Variants in ANKRD31 observed in about 807,000 individuals in gnomAD.
ANKRD31 encodes ankyrin repeat domain-containing protein 31.
A neutral mutation model predicts 186.0 loss-of-function variants in ANKRD31; 147 were observed. That is an observed-to-expected ratio of 0.79 (90% CI 0.69 to 0.91). ANKRD31 has a LOEUF of 0.91. Ranked by LOEUF, ANKRD31 falls within the 40% of genes least tolerant of loss-of-function variation. The pLI is 0.00. For missense variants in ANKRD31, 1,986 were observed against 2,148.8 expected (o/e 0.92, Z 1.50); for synonymous variants, 673 against 736.4 (o/e 0.91, Z 1.39).
At chr5:75,220,341 C>T (rs1467816796) in intron 3 of ANKRD31, among the ~76,000 whole-genome samples, 1 of 152,082 alleles carries the variant, frequency 6.6e-6, no homozygotes. Context: ...AAAGCAACTC[C>T]ATTAAAAAGT....
At position 75,193,341 on chromosome 5, in the gene ANKRD31, G is replaced by A; in HGVS notation, c.1268C>T (p.Thr423Ile). Reference protein sequence around the residue: ...LPKILGCEDLTNNNSSAQNFR... With the variant: ...LPKILGCEDLINNNSSAQNFR... ...ATTCTGAGCTGAAGAGTTATTATTT[G>A]TTAGGTCCTCACAGCCAAGGATTTT... is the stretch of plus-strand genomic sequence containing the variant. Residue 423 changes from threonine (T) to isoleucine (I), a missense_variant, in exon 8 of 26, where the codon ACA becomes ATA. Transcript: ENST00000506364. 6.5e-7 allele frequency: 1 copy of A among 1,536,720 alleles called. No homozygotes were observed. Among genetic ancestry groups the A allele is most frequent in the Non-Finnish European group, 8.7e-7 (1 of 1,146,636 alleles).
intron 10 of ANKRD31, among the ~76,000 whole-genome samples, chr5:75,171,259 T>G (rs934613990): frequency 3.9e-5 from 6 of 152,042 alleles, no homozygotes; most frequent in African/African-American, 1.4e-4. Context: ...GTCAAAATCA[T>G]GTAAAATGTA....
In ANKRD31 at chr5:75,183,996, T is replaced by G. The variant is rs117072945; in HGVS notation, c.1564+4497A>C. 9.2e-5 allele frequency among the ~76,000 whole-genome samples: 14 copies of G among 152,190 alleles called. No individual in the cohort carries two copies. In the East Asian group the frequency reaches 2.3e-3, roughly 25 times the overall value. ...TTTTTAAAAAACAAAGCTAGAGGCA[T>G]ATTACCTTACTTAGCTCTATTAATG... is the stretch of plus-strand genomic sequence containing the variant. On this transcript the variant is annotated intron_variant, in intron 10 of 25. Transcript: ENST00000506364.
At chr5:75,094,566 C>T (rs1389035212) in intron 22 of ANKRD31, among the ~76,000 whole-genome samples, 2 of 151,710 alleles carry the variant, frequency 1.3e-5, no homozygotes, top group Non-Finnish European at 2.9e-5. Flanking sequence ...AATTAGAATT[C>T]TACATTGGAA....
chr5:75,097,568 G>C (rs1476267616), intron 22 of ANKRD31, among the ~76,000 whole-genome samples: 1 of 152,182 alleles, frequency 6.6e-6, no homozygotes, highest in Non-Finnish European at 1.5e-5. Context: ...CCCTTTGTCA[G>C]ATGGGTAGAT....
intron 17 of ANKRD31, among the ~76,000 whole-genome samples, chr5:75,132,849 G>A (rs907068558): frequency 2.6e-5 from 4 of 152,212 alleles, no homozygotes; most frequent in East Asian, 1.9e-4. Context: ...AGAAGAGAGT[G>A]GGGGCCAATA....
In ANKRD31 at chr5:75,146,176, C is replaced by T. The variant is rs1363909861; in HGVS notation, c.3235G>A (p.Glu1079Lys). The T allele has an allele frequency of 1.3e-6, 2 of 1,535,722 alleles. No individual in the cohort carries two copies. The highest frequency in any genetic ancestry group is 3.9e-5 in the Admixed American group (2 of 50,776). The change falls in exon 14 of 26, where the codon GAG becomes AAG. Residue 1079 changes from glutamate (E) to lysine (K), a missense_variant. Coordinates refer to ENST00000506364, the MANE Select transcript of ANKRD31 (RefSeq NM_001372053.1). ...GAATGAGCAACTATGGATAAAGGCTCATTTGAATAAATTATTTTTTGGTCT... is the reference window on the plus strand; with the variant it reads ...GAATGAGCAACTATGGATAAAGGCTTATTTGAATAAATTATTTTTTGGTCT... ...DRDQKIIYSN[E>K]PLSIVAHSQV...
intron 5 of ANKRD31, among the ~76,000 whole-genome samples, chr5:75,202,525 CA>C (rs1755887779): frequency 6.6e-6 from 1 of 152,150 alleles, no homozygotes; most frequent in African/African-American, 2.4e-5. Flanking sequence ...TCTAAAGCAT[CA>C]AATTCAAAGA....
At chr5:75,089,969 G>A (rs1010082972) in intron 23 of ANKRD31, among the ~76,000 whole-genome samples, 3 of 152,170 alleles carry the variant, frequency 2.0e-5, no homozygotes, top group Non-Finnish European at 4.4e-5. Context: ...AACAGAGTGG[G>A]CAAATGGAGT....
intron 23 of ANKRD31, among the ~76,000 whole-genome samples, chr5:75,088,206 T>G (rs1373689934): frequency 6.6e-6 from 1 of 152,120 alleles, no homozygotes; most frequent in Non-Finnish European, 1.5e-5. Context: ...TTCCTAATCA[T>G]GATGGTGAGA....
At chr5:75,147,986 A>C (rs1375640678) in intron 13 of ANKRD31, among the ~76,000 whole-genome samples, 1 of 151,796 alleles carries the variant, frequency 6.6e-6, no homozygotes, top group African/African-American at 2.4e-5. Flanking sequence ...TAAACTTTAC[A>C]AGAAGCTTTA....
chr5:75,174,276 C>G (rs1753591307), intron 10 of ANKRD31, among the ~76,000 whole-genome samples: 1 of 152,110 alleles, frequency 6.6e-6, no homozygotes. Context: ...CATAAAAACC[C>G]TAGAAGAAAA....
intron 22 of ANKRD31, among the ~76,000 whole-genome samples, chr5:75,098,909 C>A (rs374049049): frequency 6.6e-6 from 1 of 151,864 alleles, no homozygotes; most frequent in Non-Finnish European, 1.5e-5. Context: ...TTTCCTAATT[C>A]AATACCCTTT....
intron 17 of ANKRD31, among the ~76,000 whole-genome samples, chr5:75,121,599 A>T (rs1443574114): frequency 1.3e-5 from 2 of 152,194 alleles, no homozygotes; most frequent in Non-Finnish European, 2.9e-5. Flanking sequence ...AATTGAAATC[A>T]TATCAAGTAT....
chr5:75,079,771 C>T (rs115162897), intron 25 of ANKRD31, among the ~76,000 whole-genome samples: 2,178 of 152,288 alleles, frequency 0.014, 64 homozygotes, highest in African/African-American at 0.049. Context: ...CAACTGCGCC[C>T]GGCCAAGGCC....
chr5:75,204,358 A>G (rs963499134), intron 5 of ANKRD31, among the ~76,000 whole-genome samples: 4 of 152,216 alleles, frequency 2.6e-5, no homozygotes, highest in Non-Finnish European at 4.4e-5. Flanking sequence ...TTCTCTCAAG[A>G]TTATTCCAAC....
rs141690042 is a variant in ANKRD31 at position 75,195,384 on chromosome 5, C to T, written c.1017+247G>A. 4.0e-5 allele frequency among the ~76,000 whole-genome samples: 6 copies of T among 151,880 alleles called. No homozygotes were observed. The East Asian group carries it at 9.7e-4, about 25-fold the overall frequency. On this transcript the variant is annotated intron_variant, in intron 7 of 25. Transcript: ENST00000506364. The stretch of plus-strand genomic sequence containing the variant: ...TTTCTATTTTCATTTCCTAACTCCT[C>T]GAAAACTCTATCCTAGGAACTTCTA...
chr5:75,115,433 C>T (rs1748140913), intron 19 of ANKRD31, among the ~76,000 whole-genome samples: 1 of 152,124 alleles, frequency 6.6e-6, no homozygotes, highest in African/African-American at 2.4e-5. Flanking sequence ...TAAAGAGCTT[C>T]TGCACAGGAA....
intron 17 of ANKRD31, among the ~76,000 whole-genome samples, chr5:75,128,357 C>T (rs1047941277): frequency 1.6e-4 from 10 of 61,892 alleles, no homozygotes; most frequent in Admixed American, 8.6e-4. Context: ...TGTATACTTA[C>T]GTAACAAACC....
Sources: allele counts gnomAD v4.1 joint callset (sites outside exome capture counted in the v4.1 genomes callset), GRCh38; gene constraint gnomAD v4.1.1; transcripts MANE v1.5; gene names NCBI Gene and HGNC (gene_info 2026-07-23, HGNC 2026-07-21).